The following MYCBPAP variants were observed in gnomAD, a reference collection of about 807,000 sequenced individuals.
MYCBPAP encodes MYCBP associated protein, also known as MYCBP-associated protein.
In MYCBPAP, 60 loss-of-function variants were observed where a neutral mutation model predicts 106.1. The observed-to-expected ratio is 0.57, with a 90% CI of 0.46 to 0.70. The LOEUF (loss-of-function observed/expected upper bound fraction) is 0.70. Ranked by LOEUF, MYCBPAP falls within the 30% of genes least tolerant of loss-of-function variation. The pLI is 0.00. For missense variants in MYCBPAP, 1,064 were observed against 1,169.3 expected, an observed-to-expected ratio of 0.91 and a Z score of 1.31; for synonymous variants, 407 against 440.6, an observed-to-expected ratio of 0.92 and a Z score of 0.95.
intron 16 of MYCBPAP, 107 bp downstream of exon 16, chr17:50,528,377 C>A: frequency 9.8e-7 from 1 of 1,022,792 alleles, no homozygotes. Flanking sequence ...GGAAGCTCTG[C>A]TAGGTTGAGC....
chr17:50,522,677 A>G (rs1315004581), intron 10 of MYCBPAP: 2 of 131,498 alleles, frequency 1.5e-5, no homozygotes, highest in Non-Finnish European at 3.2e-5. Flanking sequence ...CTAGGTGACA[A>G]GAGCGAAACT....
In MYCBPAP at chr17:50,516,662, C is replaced by A. The variant is rs763127666; in HGVS notation, c.169C>A (p.Leu57Ile). Residue 57 changes from leucine (L) to isoleucine (I), a missense_variant, in exon 2 of 19, where the codon CTT becomes ATT. Coordinates refer to ENST00000323776, the MANE Select transcript of MYCBPAP (RefSeq NM_032133.6). ...CAATGTCCTACAAGGAGATGACATT[C>A]TTGCCTTGGCCATTAAGAAGGAAGA... is the stretch of plus-strand genomic sequence containing the variant. Reference protein sequence around the residue: ...VSNVLQGDDILALAIKKEDLK... With the variant: ...VSNVLQGDDIIALAIKKEDLK... The A allele has an allele frequency of 6.2e-7, 1 of 1,614,108 alleles. No homozygotes were observed. The highest frequency in any genetic ancestry group is 8.5e-7 in the Non-Finnish European group (1 of 1,179,996).
intron 18 of MYCBPAP, 169 bp downstream of exon 18, chr17:50,529,357 T>C: frequency 1.6e-6 from 1 of 633,722 alleles, no homozygotes; most frequent in Non-Finnish European, 2.7e-6. Context: ...GCGCCTAGCA[T>C]GTTAGGTGAT....
intron 15 of MYCBPAP, 55 bp from the exon 16 acceptor site, chr17:50,528,100 G>C (rs1375228183): frequency 6.7e-7 from 1 of 1,501,884 alleles, no homozygotes; most frequent in Non-Finnish European, 9.2e-7. Context: ...AGCCTCTGCA[G>C]GTTCAAGGAC....
Position 50,528,743 on chromosome 17 carries a change from C to G in MYCBPAP, c.2456C>G (p.Ala819Gly). Reference sequence around the variant, plus strand: ...GAAGTGAAGGTACCTGTGGGGAAAGCTGGGAAGGAGGAGCGGAAAGGAGCA... The same window carrying G: ...GAAGTGAAGGTACCTGTGGGGAAAGGTGGGAAGGAGGAGCGGAAAGGAGCA... Reference protein sequence around the residue: ...IMEVKVPVGKAGKEERKGAAQ... With the variant: ...IMEVKVPVGKGGKEERKGAAQ... Residue 819 changes from alanine (A) to glycine (G), a missense_variant, in exon 17 of 19, where the codon GCT (alanine) becomes GGT (glycine). By Grantham distance (60) the Ala-to-Gly change is moderately conservative (BLOSUM62 0). Coordinates refer to ENST00000323776, the MANE Select transcript of MYCBPAP (RefSeq NM_032133.6). The G allele has an allele frequency of 1.2e-6, 2 of 1,614,034 alleles. No individual in the cohort carries two copies. The highest frequency in any genetic ancestry group is 1.7e-6 in the Non-Finnish European group (2 of 1,180,002).
chr17:50,528,348 C>G lies in MYCBPAP; in HGVS notation c.2407+78C>G. 2.5e-6 allele frequency: 3 copies of G among 1,214,086 alleles called. No individual in the cohort carries two copies. The East Asian group carries it at 7.6e-5, about 31-fold the overall frequency. 75.2% of individuals were successfully genotyped at this position (1,214,086 alleles called of 1,614,324 possible). Reference sequence around the variant, plus strand: ...GAATGGACAAGCAGCAGTGCCTGGGCCAGTCATACTCCTTTGGTGGAAGCT... The same window carrying G: ...GAATGGACAAGCAGCAGTGCCTGGGGCAGTCATACTCCTTTGGTGGAAGCT... On this transcript the variant is annotated intron_variant, in intron 16 of 18. Transcript: ENST00000323776.
At chr17:50,509,082 G>A in intron 1 of MYCBPAP, 1 of 702,944 alleles carries the variant, frequency 1.4e-6, no homozygotes, top group Non-Finnish European at 2.6e-6. Context: ...TGGATGAAGT[G>A]CAGAAGAGCC....
intron 1 of MYCBPAP, chr17:50,510,427 A>G (rs1256904268): frequency 2.7e-5 from 4 of 147,672 alleles, no homozygotes; most frequent in Non-Finnish European, 6.0e-5. Context: ...GACATACTAT[A>G]TATATATATG....
At chr17:50,526,934 C>T (rs571472848) in intron 14 of MYCBPAP, among the ~76,000 whole-genome samples, 9 of 152,282 alleles carry the variant, frequency 5.9e-5, no homozygotes, top group South Asian at 2.1e-4. Flanking sequence ...AAGCTGGTCT[C>T]GAACACCTGA....
In MYCBPAP at chr17:50,521,397, A is replaced by C; in HGVS notation, c.1114A>C (p.Ser372Arg). Residue 372 changes from serine to arginine, a missense_variant, in exon 9 of 19, where the codon AGT (serine) becomes CGT (arginine). Ser to Arg is a moderately radical substitution (Grantham distance 110, BLOSUM62 -1). Coordinates refer to ENST00000323776, the MANE Select transcript of MYCBPAP (RefSeq NM_032133.6). ...GGAAGACTACACAGTGTTTGAAAGA[A>C]GTCAGGGAAGCTCCTCTGAAGACAC... ...TVEDYTVFER[S>R]QGSSSEDTAY... 1.2e-6 allele frequency: 2 copies of C among 1,601,978 alleles called. No individual in the cohort carries two copies. Among genetic ancestry groups the C allele is most frequent in the Non-Finnish European group, 1.7e-6 (2 of 1,173,444 alleles).
intron 1 of MYCBPAP, chr17:50,514,983 GA>G: frequency 2.5e-6 from 1 of 396,800 alleles, no homozygotes; most frequent in Non-Finnish European, 5.2e-6. Context: ...AGCTCTTCAC[GA>G]TATGGCGGCT....
At chr17:50,509,300 G>C in intron 1 of MYCBPAP, 2 of 621,644 alleles carry the variant, frequency 3.2e-6, no homozygotes, top group Admixed American at 2.4e-5. Flanking sequence ...TTCCTACCAC[G>C]TGCACTTTCC....
chr17:50,515,236 A>C (rs1294394944), intron 1 of MYCBPAP, among the ~76,000 whole-genome samples: 1 of 148,160 alleles, frequency 6.7e-6, no homozygotes, highest in Admixed American at 6.7e-5. Flanking sequence ...CCGCCGACTC[A>C]GGGCTGGTTG....
Position 50,523,753 on chromosome 17 carries a change from A to G in MYCBPAP, c.1604A>G (p.Asp535Gly), listed in dbSNP as rs1401097865. Residue 535 changes from aspartate to glycine, a missense_variant, in exon 12 of 19, where the codon GAC becomes GGC. Transcript: ENST00000323776. ...VNLHAVSLTQ[D>G]VFEDERKVLE... ...CTCCACGCGGTCTCCCTGACCCAGG[A>G]CGTTTTTGAGGATGAGAGGAAAGTA... 6.2e-7 allele frequency: 1 copy of G among 1,614,078 alleles called. No homozygotes were observed. Among genetic ancestry groups the G allele is most frequent in the East Asian group, 2.2e-5 (1 of 44,882 alleles).
intron 15 of MYCBPAP, among the ~76,000 whole-genome samples, chr17:50,527,796 C>T (rs999965229): frequency 2.0e-5 from 3 of 152,070 alleles, no homozygotes; most frequent in African/African-American, 7.2e-5. Flanking sequence ...TTTTCAAGGC[C>T]CTCAGGACAA....
chr17:50,528,866 G>A (rs761696632), intron 17 of MYCBPAP, 26 bp downstream of exon 17: 1 of 1,611,844 alleles, frequency 6.2e-7, no homozygotes, highest in African/African-American at 1.3e-5. Flanking sequence ...GTCTGGGCCA[G>A]GTGGGGCTGG....
Position 50,517,395 on chromosome 17 carries a change from C to T in MYCBPAP, c.307C>T (p.His103Tyr). ...CATGGATCCTAGGAGGAAGGTCTGC[C>T]ACCTTGTAGCACGTCCTGCGAATCC... Reference protein sequence around the residue: ...KPMDPRRKVCHLVARPANPDE... With the variant: ...KPMDPRRKVCYLVARPANPDE... The change falls in exon 3 of 19, where the codon CAC (histidine) becomes TAC (tyrosine). Residue 103 changes from histidine (H) to tyrosine (Y), a missense_variant. Physicochemically the swap from His to Tyr is moderately conservative, Grantham distance 83 (BLOSUM62 2). Transcript: ENST00000323776. 2 of 1,614,126 alleles carry T rather than the reference C, an allele frequency of 1.2e-6. No individual in the cohort carries two copies. The highest frequency in any genetic ancestry group is 1.1e-5 in the South Asian group (1 of 91,082).
intron 1 of MYCBPAP, chr17:50,509,235 C>T: frequency 2.9e-6 from 2 of 686,468 alleles, no homozygotes; most frequent in South Asian, 3.0e-5. Context: ...AGGATTCCTG[C>T]TGGAAAAACC....
At chr17:50,524,783 G>A (rs2034400426) in intron 12 of MYCBPAP, 94 bp from the exon 13 acceptor site, 3 of 1,250,028 alleles carry the variant, frequency 2.4e-6, no homozygotes, top group African/African-American at 3.0e-5. Context: ...TCAGACCCTA[G>A]GAAGGCACAA....
Sources: gnomAD v4.1 joint callset for allele counts (sites outside exome capture counted in the v4.1 genomes callset) on GRCh38, gnomAD v4.1.1 for gene constraint, MANE v1.5 for transcripts, NCBI Gene and HGNC (gene_info 2026-07-23, HGNC 2026-07-21) for gene names.